The following RAD18 variants were observed in gnomAD, a reference collection of about 807,000 sequenced individuals.
RAD18 encodes the protein E3 ubiquitin-protein ligase RAD18.
Under a neutral mutation model 60.4 loss-of-function variants are expected in RAD18, and 47 were observed. The observed-to-expected ratio is 0.78, with a 90% CI of 0.62 to 0.99. RAD18 has a LOEUF of 0.99. Ranked by LOEUF, RAD18 falls within the 50% of genes least tolerant of loss-of-function variation. The pLI is 0.00. For missense variants in RAD18, 640 were observed against 593.3 expected (o/e 1.08, Z -0.82); for synonymous variants, 225 against 195.5 (o/e 1.15, Z -1.26).
In RAD18 at chr3:8,940,035, G is replaced by A. The variant is rs115900898; in HGVS notation, c.605-382C>T. ...TGTTTAGCCCAGAAGCAATAGTAACGACTTAAGTAAGACACACCTGGCCCA... is the reference window on the plus strand; with the variant it reads ...TGTTTAGCCCAGAAGCAATAGTAACAACTTAAGTAAGACACACCTGGCCCA... On this transcript the variant is annotated intron_variant, in intron 5 of 12. Coordinates refer to ENST00000264926, the MANE Select transcript of RAD18 (RefSeq NM_020165.4). Among the ~76,000 whole-genome samples, 345 of 152,316 alleles carry A rather than the reference G, an allele frequency of 2.3e-3. 1 individual carries two copies. The highest frequency in any genetic ancestry group is 8.1e-3 in the African/African-American group (337 of 41,578).
In RAD18 at chr3:8,880,422, G is replaced by A. The variant is rs906945588; in HGVS notation, c.*935C>T. 2 of 152,236 alleles carry A rather than the reference G, an allele frequency of 1.3e-5. No homozygotes were observed. Among genetic ancestry groups the A allele is most frequent in the African/African-American group, 4.8e-5 (2 of 41,454 alleles). 9.4% of individuals were successfully genotyped at this position (152,236 alleles called of 1,614,324 possible). On this transcript the variant is annotated 3_prime_UTR_variant, in exon 13 of 13. Coordinates refer to ENST00000264926, the MANE Select transcript of RAD18 (RefSeq NM_020165.4). The stretch of plus-strand genomic sequence containing the variant: ...GGGGGATGCTGGCTCTGAAATGCCA[G>A]AGAGGCATTAAGAACTCTGGAAGCA...
intron 7 of RAD18, among the ~76,000 whole-genome samples, chr3:8,919,467 C>T (rs1395316539): frequency 6.6e-6 from 1 of 152,202 alleles, no homozygotes; most frequent in Non-Finnish European, 1.5e-5. Context: ...AATGATCCAA[C>T]AGGCAATTAA....
At chr3:8,906,845 T>A (rs112545904) in intron 9 of RAD18, among the ~76,000 whole-genome samples, 3,033 of 151,928 alleles carry the variant, frequency 0.02, 86 homozygotes, top group African/African-American at 0.068. Context: ...TGTAATGGGT[T>A]TATTGTTAAT....
chr3:8,948,158 C>T (rs904979382), intron 3 of RAD18, among the ~76,000 whole-genome samples: 4 of 152,154 alleles, frequency 2.6e-5, no homozygotes, highest in African/African-American at 9.7e-5. Flanking sequence ...TGCATATTTA[C>T]CTTCTGCACA....
intron 7 of RAD18, among the ~76,000 whole-genome samples, chr3:8,922,734 C>A (rs964595661): frequency 6.6e-6 from 1 of 152,202 alleles, no homozygotes; most frequent in Non-Finnish European, 1.5e-5. Flanking sequence ...GAGGAACAAT[C>A]AGGCAGCAAC....
intron 2 of RAD18, among the ~76,000 whole-genome samples, chr3:8,951,318 CCA>C (rs1200467664): frequency 6.6e-6 from 1 of 152,158 alleles, no homozygotes; most frequent in African/African-American, 2.4e-5. Flanking sequence ...TTCTCACAAA[CCA>C]CAGAGAGTGC....
In RAD18 at chr3:8,907,584, A is replaced by G. The variant is rs1305447929; in HGVS notation, c.1027+4728T>C. 2.0e-5 allele frequency among the ~76,000 whole-genome samples: 3 copies of G among 152,162 alleles called. No homozygotes were observed. In the East Asian group the frequency reaches 5.8e-4, roughly 29 times the overall value. ...ACACTTCAGCTGGCAGAGCAACACA[A>G]GCGGCTGATGCAAGCGGTCAGGGAT... On this transcript the variant is annotated intron_variant, in intron 9 of 12. Coordinates refer to ENST00000264926, the MANE Select transcript of RAD18 (RefSeq NM_020165.4).
intron 9 of RAD18, among the ~76,000 whole-genome samples, chr3:8,903,295 T>A (rs541633210): frequency 6.6e-6 from 1 of 152,216 alleles, no homozygotes; most frequent in East Asian, 1.9e-4. Context: ...ATGCCCGCTT[T>A]CTTAAATATA....
chr3:8,946,085 A>C (rs1429704527), intron 4 of RAD18, among the ~76,000 whole-genome samples: 2 of 152,208 alleles, frequency 1.3e-5, no homozygotes, highest in Non-Finnish European at 2.9e-5. Context: ...ACATTCACTT[A>C]TCACTCACTC....
At chr3:8,946,377 C>T (rs1193788033) in intron 4 of RAD18, among the ~76,000 whole-genome samples, 1 of 152,204 alleles carries the variant, frequency 6.6e-6, no homozygotes, top group Non-Finnish European at 1.5e-5. Flanking sequence ...ATGATGTTCA[C>T]ACAGCAACCA....
intron 12 of RAD18, among the ~76,000 whole-genome samples, chr3:8,882,801 T>C (rs1939493727): frequency 6.6e-6 from 1 of 152,170 alleles, no homozygotes; most frequent in Admixed American, 6.5e-5. Flanking sequence ...CATTAGTCAC[T>C]AGGAAACTCC....
At chr3:8,932,300 A>C (rs978851080) in intron 7 of RAD18, among the ~76,000 whole-genome samples, 1 of 152,250 alleles carries the variant, frequency 6.6e-6, no homozygotes, top group Non-Finnish European at 1.5e-5. Flanking sequence ...TTCAGTATCC[A>C]GAATATATAA....
intron 1 of RAD18, among the ~76,000 whole-genome samples, chr3:8,959,486 G>C (rs896984088): frequency 1.3e-5 from 2 of 152,208 alleles, no homozygotes; most frequent in African/African-American, 4.8e-5. Flanking sequence ...GGTATCAAAA[G>C]CAGGCACACA....
rs766830843 is a variant in RAD18, at chr3:8,878,781, C to A, written c.*2576G>T. The A allele has an allele frequency of 1.3e-5, 2 of 152,182 alleles. No homozygotes were observed. Among genetic ancestry groups the A allele is most frequent in the Admixed American group, 6.5e-5 (1 of 15,276 alleles). 9.4% of individuals were successfully genotyped at this position (152,182 alleles called of 1,614,324 possible). On this transcript the variant is annotated 3_prime_UTR_variant, in exon 13 of 13. Transcript: ENST00000264926. Reference sequence around the variant, plus strand: ...GTGCATCCAGCAGCTCACCTGCACCCCCACAAACCATAAGCATCACTGCCA... The same window carrying A: ...GTGCATCCAGCAGCTCACCTGCACCACCACAAACCATAAGCATCACTGCCA...
In RAD18 at chr3:8,948,912, A is replaced by G. The variant is rs565605417; in HGVS notation, c.134-342T>C. On this transcript the variant is annotated intron_variant, in intron 2 of 12. Transcript: ENST00000264926. ...TCTCTACTGCTTATCATTTGAAAATATAAATTTTGAAATAATATATATACA... is the reference window on the plus strand; with the variant it reads ...TCTCTACTGCTTATCATTTGAAAATGTAAATTTTGAAATAATATATATACA... 1.1e-3 allele frequency among the ~76,000 whole-genome samples: 170 copies of G among 152,310 alleles called. 2 individuals are homozygous for G. The highest frequency in any genetic ancestry group is 4.0e-3 in the African/African-American group (167 of 41,570).
At chr3:8,961,322 G>C (rs1941092137) in intron 1 of RAD18, among the ~76,000 whole-genome samples, 5 of 152,210 alleles carry the variant, frequency 3.3e-5, no homozygotes. Flanking sequence ...TTTAGAGAGA[G>C]AGAAAGTGAA....
At chr3:8,905,577 TATCACCTATG>T (rs774372041) in intron 9 of RAD18, among the ~76,000 whole-genome samples, 1 of 152,220 alleles carries the variant, frequency 6.6e-6, no homozygotes, top group Non-Finnish European at 1.5e-5. Flanking sequence ...TTCACCATCA[TATCACCTATG>T]ATAGCCAACC....
chr3:8,904,474 T>C (rs551537662), intron 9 of RAD18, among the ~76,000 whole-genome samples: 3 of 152,174 alleles, frequency 2.0e-5, no homozygotes, highest in Non-Finnish European at 4.4e-5. Context: ...GTGAAACTAA[T>C]GTTGGGCTAT....
intron 5 of RAD18, among the ~76,000 whole-genome samples, chr3:8,940,708 C>A (rs369357498): frequency 1.3e-5 from 2 of 152,178 alleles, no homozygotes; most frequent in East Asian, 1.9e-4. Flanking sequence ...AGTGCTATAG[C>A]ACTTTTGTGA....
Sources: allele counts gnomAD v4.1 joint callset (sites outside exome capture counted in the v4.1 genomes callset), GRCh38; gene constraint gnomAD v4.1.1; transcripts MANE v1.5; gene names NCBI Gene and HGNC (gene_info 2026-07-23, HGNC 2026-07-21).